The following MAGI2 variants were observed in gnomAD, a reference collection of about 807,000 sequenced individuals.
MAGI2 encodes the protein membrane-associated guanylate kinase, WW and PDZ domain-containing protein 2.
MAGI2 carries 35 observed loss-of-function variants against 133.3 expected under a neutral mutation model. That is an observed-to-expected ratio of 0.26 (90% CI 0.20 to 0.35). The LOEUF is 0.35. MAGI2 is among the 10% of genes least tolerant of loss of function. The probability of loss-of-function intolerance (pLI) is 1.00; values close to 1 mark genes in which losing one functional copy is unlikely to be tolerated. For missense variants in MAGI2, 1,636 were observed against 1,863.4 expected, an observed-to-expected ratio of 0.88 and a Z score of 2.25; for synonymous variants, 729 against 710.6, an observed-to-expected ratio of 1.03 and a Z score of -0.41.
chr7:79,232,165 C>G (rs944224949), intron 1 of MAGI2, among the ~76,000 whole-genome samples: 1 of 152,134 alleles, frequency 6.6e-6, no homozygotes, highest in African/African-American at 2.4e-5. Flanking sequence ...GATGGATAAG[C>G]TTTTTGATGT....
intron 3 of MAGI2, among the ~76,000 whole-genome samples, chr7:78,601,668 G>A (rs1411735803): frequency 6.6e-6 from 1 of 152,058 alleles, no homozygotes; most frequent in African/African-American, 2.4e-5. Flanking sequence ...ATGGCTCAAT[G>A]TTTTGGGCAA....
At chr7:78,748,820 AAATAATCAAGCTC>A (rs1823180052) in intron 2 of MAGI2, among the ~76,000 whole-genome samples, 1 of 152,218 alleles carries the variant, frequency 6.6e-6, no homozygotes, top group South Asian at 2.1e-4. Context: ...TTTTCCCCGA[AAATAATCAAGCTC>A]AAAAATCAAA....
At chr7:78,403,822 A>C (rs1033409853) in intron 6 of MAGI2, among the ~76,000 whole-genome samples, 5 of 152,146 alleles carry the variant, frequency 3.3e-5, no homozygotes, top group African/African-American at 9.7e-5. Flanking sequence ...CTGGTCAATC[A>C]GGCAGGAGAA....
At chr7:79,267,610 T>C (rs940506068) in intron 1 of MAGI2, among the ~76,000 whole-genome samples, 6 of 152,156 alleles carry the variant, frequency 3.9e-5, no homozygotes, top group African/African-American at 1.4e-4. Flanking sequence ...CTTTCATCTA[T>C]ACAGAAATCA....
At chr7:78,660,449 A>C (rs1812825531) in intron 2 of MAGI2, among the ~76,000 whole-genome samples, 1 of 152,150 alleles carries the variant, frequency 6.6e-6, no homozygotes, top group African/African-American at 2.4e-5. Flanking sequence ...GATTCACAGA[A>C]GTCTTTAAGA....
At chr7:79,178,635 C>A (rs1458790784) in intron 1 of MAGI2, among the ~76,000 whole-genome samples, 2 of 151,440 alleles carry the variant, frequency 1.3e-5, no homozygotes, top group Non-Finnish European at 2.9e-5. Context: ...TTGCCTGAAC[C>A]TGGGAGGCGG....
intron 1 of MAGI2, among the ~76,000 whole-genome samples, chr7:79,250,348 C>CAAA (rs61147108): frequency 3.1e-5 from 4 of 130,522 alleles, no homozygotes; most frequent in African/African-American, 8.7e-5. Flanking sequence ...ATGACTCTAC[C>CAAA]AAAAAAAAAA....
At chr7:78,927,654 CT>C (rs1436690919) in intron 2 of MAGI2, among the ~76,000 whole-genome samples, 2 of 151,532 alleles carry the variant, frequency 1.3e-5, no homozygotes, top group Non-Finnish European at 2.9e-5. Context: ...TTTTTTTAGC[CT>C]TTTTCCCCTC....
chr7:78,955,762 TTTC>T (rs779346015), intron 2 of MAGI2, among the ~76,000 whole-genome samples: 3 of 83,184 alleles, frequency 3.6e-5, no homozygotes, highest in South Asian at 3.8e-4. Flanking sequence ...TCTTTCTTTC[TTTC>T]TTTCTTTCTT....
intron 1 of MAGI2, chr7:79,343,318 AC>A (rs1841048095): frequency 6.6e-6 from 1 of 152,070 alleles, no homozygotes; most frequent in Admixed American, 6.6e-5. Flanking sequence ...CAAGGGCCAT[AC>A]TAATCTTCTG....
At chr7:79,263,722 A>G (rs966915529) in intron 1 of MAGI2, among the ~76,000 whole-genome samples, 3 of 152,196 alleles carry the variant, frequency 2.0e-5, no homozygotes, top group Non-Finnish European at 4.4e-5. Flanking sequence ...GGACTGCCCA[A>G]GAAAAATATA....
chr7:79,359,626 A>T (rs184592843), intron 1 of MAGI2, among the ~76,000 whole-genome samples: 1 of 151,464 alleles, frequency 6.6e-6, no homozygotes, highest in Admixed American at 6.6e-5. Flanking sequence ...GGAAAAGCCA[A>T]TTCAAATGAC....
chr7:78,481,037 C>A (rs963243854), intron 6 of MAGI2, among the ~76,000 whole-genome samples: 1 of 151,952 alleles, frequency 6.6e-6, no homozygotes, highest in Admixed American at 6.6e-5. Flanking sequence ...AGAATCCCAA[C>A]AAGATTTTTG....
intron 9 of MAGI2, among the ~76,000 whole-genome samples, chr7:78,332,984 T>G (rs1198599551): frequency 6.6e-6 from 1 of 152,224 alleles, no homozygotes; most frequent in Non-Finnish European, 1.5e-5. Context: ...ACCAAAATGT[T>G]TTCATTAGCA....
intron 2 of MAGI2, among the ~76,000 whole-genome samples, chr7:78,666,363 T>C (rs981077674): frequency 7.2e-5 from 11 of 152,180 alleles, no homozygotes; most frequent in African/African-American, 2.4e-4. Context: ...AAACATTCTG[T>C]CCAGTTACAA....
chr7:78,363,070 T>C (rs963990336), intron 7 of MAGI2, among the ~76,000 whole-genome samples: 4 of 152,252 alleles, frequency 2.6e-5, no homozygotes, highest in African/African-American at 9.6e-5. Flanking sequence ...ATATCTACTA[T>C]TATTATAACA....
At position 78,160,262 on chromosome 7, in the gene MAGI2, G is replaced by A; in HGVS notation, c.2608C>T (p.Pro870Ser). 6.3e-7 allele frequency: 1 copy of A among 1,590,408 alleles called. No homozygotes were observed. Among genetic ancestry groups the A allele is most frequent in the Non-Finnish European group, 8.6e-7 (1 of 1,167,308 alleles). ...RKVLCGGEPC[P>S]ENGRSPGSVS... ...GAGCCTGGACTTCTCCCGTTCTCTGGGCAGGGCTCCCCTGCAAAATATACC... is the reference window on the plus strand; with the variant it reads ...GAGCCTGGACTTCTCCCGTTCTCTGAGCAGGGCTCCCCTGCAAAATATACC... Residue 870 changes from proline (P) to serine (S), a missense_variant, in exon 16 of 22, where the codon CCA becomes TCA. Pro to Ser is a moderately conservative substitution (Grantham distance 74). This residue lies in a region of MAGI2 where 920 missense variants were observed against 1,093.5 expected (regional missense o/e 0.84). Coordinates refer to ENST00000354212, the MANE Select transcript of MAGI2 (RefSeq NM_012301.4).
At chr7:79,378,928 A>ATATATG (rs1563168199) in intron 1 of MAGI2, among the ~76,000 whole-genome samples, 27 of 27,022 alleles carry the variant, frequency 1.0e-3, no homozygotes, top group African/African-American at 4.0e-3. Context: ...GTGTGTGTGT[A>ATATATG]TATATATATA....
intron 2 of MAGI2, among the ~76,000 whole-genome samples, chr7:78,717,103 C>T (rs1254109362): frequency 6.6e-6 from 1 of 152,098 alleles, no homozygotes; most frequent in Non-Finnish European, 1.5e-5. Flanking sequence ...AGACCTCTCC[C>T]GCCTGGACCT....
Sources: gnomAD v4.1 joint callset for allele counts (sites outside exome capture counted in the v4.1 genomes callset) on GRCh38, gnomAD v4.1.1 for gene constraint, gnomAD v4.1.1 regional missense constraint, MANE v1.5 for transcripts, NCBI Gene and HGNC (gene_info 2026-07-23, HGNC 2026-07-21) for gene names.